The following LRRTM4 variants were observed in gnomAD, a reference collection of about 807,000 sequenced individuals.
The protein encoded by LRRTM4 is leucine-rich repeat transmembrane neuronal protein 4.
A neutral mutation model predicts 47.6 loss-of-function variants in LRRTM4; 25 were observed. The observed-to-expected ratio is 0.53, with a 90% CI of 0.38 to 0.73. The LOEUF (loss-of-function observed/expected upper bound fraction) is 0.73. LRRTM4 is among the 30% of genes least tolerant of loss of function. The pLI is 0.00. For missense variants in LRRTM4, 638 were observed against 713.4 expected (o/e 0.89, Z 1.20); for synonymous variants, 311 against 269.5 (o/e 1.15, Z -1.51).
intron 3 of LRRTM4, among the ~76,000 whole-genome samples, chr2:77,038,124 A>T (rs1404793573): frequency 6.6e-6 from 1 of 151,632 alleles, no homozygotes; most frequent in African/African-American, 2.4e-5. Flanking sequence ...TATCTACTAT[A>T]TTTCCAAGGA....
chr2:76,923,892 T>G (rs773289164), intron 3 of LRRTM4, among the ~76,000 whole-genome samples: 2 of 152,048 alleles, frequency 1.3e-5, no homozygotes, highest in Non-Finnish European at 2.9e-5. Context: ...TCTTATTGCC[T>G]TTTTTTACAT....
intron 3 of LRRTM4, among the ~76,000 whole-genome samples, chr2:76,935,827 CTT>C (rs1674927350): frequency 6.6e-6 from 1 of 152,176 alleles, no homozygotes; most frequent in South Asian, 2.1e-4. Flanking sequence ...ATTGAATACT[CTT>C]TATTTCTCTC....
chr2:77,055,763 C>A (rs1399650174), intron 3 of LRRTM4, among the ~76,000 whole-genome samples: 1 of 151,754 alleles, frequency 6.6e-6, no homozygotes, highest in Non-Finnish European at 1.5e-5. Flanking sequence ...TGGCACTATT[C>A]ACAATAGCAA....
intron 3 of LRRTM4, among the ~76,000 whole-genome samples, chr2:76,952,440 GCTCA>G (rs1006713511): frequency 1.3e-4 from 20 of 151,848 alleles, no homozygotes; most frequent in Admixed American, 7.9e-4. Context: ...ATGAAAAAAT[GCTCA>G]CTGTCTCTAA....
At chr2:77,311,943 G>A (rs1287188407) in intron 3 of LRRTM4, among the ~76,000 whole-genome samples, 2 of 152,088 alleles carry the variant, frequency 1.3e-5, no homozygotes, top group Non-Finnish European at 2.9e-5. Flanking sequence ...CTTAATGGAC[G>A]CTGGTTTTGT....
intron 3 of LRRTM4, among the ~76,000 whole-genome samples, chr2:77,020,160 C>G (rs574694561): frequency 7.1e-6 from 1 of 140,112 alleles, no homozygotes; most frequent in African/African-American, 2.9e-5. Context: ...TAGAAATTTT[C>G]AGTTTATAAG....
intron 3 of LRRTM4, among the ~76,000 whole-genome samples, chr2:77,367,240 C>T (rs1672495555): frequency 6.6e-6 from 1 of 151,170 alleles, no homozygotes; most frequent in Non-Finnish European, 1.5e-5. Context: ...CTCCTGCCCC[C>T]AAATAGGTTT....
intron 3 of LRRTM4, among the ~76,000 whole-genome samples, chr2:77,343,238 G>T (rs926658229): frequency 6.6e-6 from 1 of 151,866 alleles, no homozygotes; most frequent in Admixed American, 6.6e-5. Context: ...AAAATGGAAA[G>T]CTCTCATACT....
Position 77,381,529 on chromosome 2 carries a change from A to G in LRRTM4, c.1551+136789T>C, listed in dbSNP as rs150613896. On this transcript the variant is annotated intron_variant, in intron 3 of 3. Transcript: ENST00000409884. ...AGAATTGGTCAATAACTATAGAACT[A>G]GCGAATAGGCATACAAAATCTGTAA... Among the ~76,000 whole-genome samples, 140 of 152,240 alleles carry G rather than the reference A, an allele frequency of 9.2e-4. 1 individual carries two copies. Among genetic ancestry groups the G allele is most frequent in the African/African-American group, 3.2e-3 (132 of 41,582 alleles).
At chr2:77,166,200 C>A (rs1181560966) in intron 3 of LRRTM4, among the ~76,000 whole-genome samples, 1 of 152,136 alleles carries the variant, frequency 6.6e-6, no homozygotes, top group Non-Finnish European at 1.5e-5. Context: ...AGTGAACTCC[C>A]ATTCACAATG....
At chr2:77,512,127 G>A (rs1027162526) in intron 3 of LRRTM4, among the ~76,000 whole-genome samples, 2 of 151,986 alleles carry the variant, frequency 1.3e-5, no homozygotes, top group Non-Finnish European at 2.9e-5. Flanking sequence ...GGCCTCCCTT[G>A]TAAAGGACTA....
chr2:77,495,318 T>A (rs1442671995), intron 3 of LRRTM4, among the ~76,000 whole-genome samples: 1 of 152,080 alleles, frequency 6.6e-6, no homozygotes, highest in African/African-American at 2.4e-5. Flanking sequence ...TCTGTCATTT[T>A]TATTTTAGCT....
intron 3 of LRRTM4, among the ~76,000 whole-genome samples, chr2:77,123,507 T>A (rs2103960164): frequency 6.6e-6 from 1 of 152,166 alleles, no homozygotes; most frequent in Admixed American, 6.6e-5. Flanking sequence ...CAAATAACAG[T>A]GATGTTAAGA....
At chr2:77,124,339 T>C (rs142962851) in intron 3 of LRRTM4, among the ~76,000 whole-genome samples, 10 of 152,108 alleles carry the variant, frequency 6.6e-5, no homozygotes, top group African/African-American at 1.7e-4. Context: ...CACAGGACAA[T>C]GTCAAAACAG....
chr2:76,813,927 A>T (rs143039360), intron 3 of LRRTM4, among the ~76,000 whole-genome samples: 1 of 152,092 alleles, frequency 6.6e-6, no homozygotes. Context: ...AAGTTCATTT[A>T]TATTTTCTTA....
intron 3 of LRRTM4, among the ~76,000 whole-genome samples, chr2:77,177,951 C>T (rs921298184): frequency 6.6e-6 from 1 of 152,102 alleles, no homozygotes; most frequent in Non-Finnish European, 1.5e-5. Context: ...ACTTTTATTA[C>T]AGTGAGAGAT....
At position 77,161,068 on chromosome 2, in the gene LRRTM4, G is replaced by A. The variant is rs367656246; in HGVS notation, c.1551+357250C>T. On this transcript the variant is annotated intron_variant, in intron 3 of 3. Transcript: ENST00000409884. The stretch of plus-strand genomic sequence containing the variant: ...CCAGAAGTTAGATGACCAACAGGGC[G>A]CCAGGCAGCTATGACAAGCAGGGAC... 1.9e-4 allele frequency among the ~76,000 whole-genome samples: 29 copies of A among 152,182 alleles called. No individual in the cohort carries two copies. In the South Asian group the frequency reaches 2.1e-3, roughly 11 times the overall value.
chr2:77,278,189 C>T (rs1343277681), intron 3 of LRRTM4, among the ~76,000 whole-genome samples: 1 of 151,940 alleles, frequency 6.6e-6, no homozygotes, highest in Non-Finnish European at 1.5e-5. Context: ...CACCTTTAAT[C>T]AACAATGTCA....
chr2:77,312,226 A>T (rs1315847180), intron 3 of LRRTM4, among the ~76,000 whole-genome samples: 1 of 152,150 alleles, frequency 6.6e-6, no homozygotes, highest in African/African-American at 2.4e-5. Context: ...GTAATTCCAC[A>T]GTATTAATTG....
Sources: gnomAD v4.1 joint callset for allele counts (sites outside exome capture counted in the v4.1 genomes callset) on GRCh38, gnomAD v4.1.1 for gene constraint, MANE v1.5 for transcripts, NCBI Gene and HGNC (gene_info 2026-07-23, HGNC 2026-07-21) for gene names.